UBASH3B: variants seen among roughly 807,000 people sequenced by gnomAD.
The protein encoded by UBASH3B is ubiquitin-associated and SH3 domain-containing protein B.
In UBASH3B, 37 loss-of-function variants were observed where a neutral mutation model predicts 83.4. The observed-to-expected ratio is 0.44, with a 90% CI of 0.34 to 0.58. The LOEUF (loss-of-function observed/expected upper bound fraction) is 0.58, where lower values mean the gene tolerates loss of function less well. UBASH3B is among the 20% of genes least tolerant of loss of function. The probability of loss-of-function intolerance (pLI) is 0.01; values close to 1 mark genes in which losing one functional copy is unlikely to be tolerated. For synonymous variants in UBASH3B, 304 were observed against 318.3 expected (o/e 0.96, Z 0.48); for missense variants, 657 against 827.2 (o/e 0.79, Z 2.52).
At chr11:122,690,214 T>TTTTATATATATATATATCCAATTATATA (rs555075985) in intron 1 of UBASH3B, among the ~76,000 whole-genome samples, 8 of 52,656 alleles carry the variant, frequency 1.5e-4, no homozygotes, top group Non-Finnish European at 2.3e-4. Flanking sequence ...ATATATCCAA[T>TTTTATATATATATATATCCAATTATATA]TATATATATA....
chr11:122,738,047 A>ATC (rs1399334348), intron 1 of UBASH3B, among the ~76,000 whole-genome samples: 2 of 152,226 alleles, frequency 1.3e-5, no homozygotes, highest in Non-Finnish European at 2.9e-5. Context: ...AAGGGGCATA[A>ATC]TCAGGAAAGT....
Position 122,798,425 on chromosome 11 carries a change from A to T in UBASH3B, c.1358-517A>T, listed in dbSNP as rs186311969. Among the ~76,000 whole-genome samples the T allele has an allele frequency of 3.7e-3, 557 of 152,272 alleles. 4 individuals carry two copies. The highest frequency in any genetic ancestry group is 0.013 in the African/African-American group (529 of 41,552). ...CCAGAGGGAAGGGAAAGAAAAGACAAGAAGGGGCCAGGTGTGGTGGCTCAC... is the reference window on the plus strand; with the variant it reads ...CCAGAGGGAAGGGAAAGAAAAGACATGAAGGGGCCAGGTGTGGTGGCTCAC... On this transcript the variant is annotated intron_variant, in intron 9 of 13. Transcript: ENST00000284273.
chr11:122,707,161 C>A (rs979888350), intron 1 of UBASH3B, among the ~76,000 whole-genome samples: 2 of 152,128 alleles, frequency 1.3e-5, no homozygotes, highest in Non-Finnish European at 1.5e-5. Flanking sequence ...CCCCGCCTAC[C>A]CCATAGACCC....
At chr11:122,736,654 T>C (rs892497545) in intron 1 of UBASH3B, among the ~76,000 whole-genome samples, 12 of 151,974 alleles carry the variant, frequency 7.9e-5, no homozygotes, top group African/African-American at 2.9e-4. Flanking sequence ...CACGCACACA[T>C]GATGAGAAGG....
At chr11:122,756,049 G>A (rs557930900) in intron 1 of UBASH3B, among the ~76,000 whole-genome samples, 52 of 151,038 alleles carry the variant, frequency 3.4e-4, no homozygotes, top group African/African-American at 1.1e-3. Flanking sequence ...AGGACGGAAG[G>A]AATCCATCCC....
rs1861457536 is a variant in UBASH3B at position 122,812,010 on chromosome 11, A to G, written c.*2124A>G. The G allele has an allele frequency of 6.6e-6, 1 of 152,190 alleles. No individual in the cohort carries two copies. Among genetic ancestry groups the G allele is most frequent in the South Asian group, 2.1e-4 (1 of 4,828 alleles). The allele number at this position is 152,190 out of a possible 1,614,324, so 9.4% of individuals were successfully genotyped here. On this transcript the variant is annotated 3_prime_UTR_variant, in exon 14 of 14. Transcript: ENST00000284273. ...GCAGTGTGTTCTGGGCAGTATCTGT[A>G]ATGTATGAAATAGAGTCTGGAATAG...
At chr11:122,782,830 A>C in intron 4 of UBASH3B, 2 of 521,846 alleles carry the variant, frequency 3.8e-6, no homozygotes, top group East Asian at 3.3e-5. Flanking sequence ...TCCTAGAGGA[A>C]AGCCGTATGG....
At chr11:122,777,614 T>C (rs918634659) in intron 3 of UBASH3B, among the ~76,000 whole-genome samples, 8 of 116,548 alleles carry the variant, frequency 6.9e-5, no homozygotes, top group African/African-American at 2.1e-4. Context: ...CCATTTCCTG[T>C]CCACAAGTTT....
At chr11:122,797,535 G>A (rs900903403) in intron 9 of UBASH3B, among the ~76,000 whole-genome samples, 2 of 152,190 alleles carry the variant, frequency 1.3e-5, no homozygotes, top group Admixed American at 6.5e-5. Context: ...CAAGGTATTG[G>A]ACTAGGGGAA....
intron 1 of UBASH3B, among the ~76,000 whole-genome samples, chr11:122,774,509 C>T (rs1318607412): frequency 6.6e-6 from 1 of 152,204 alleles, no homozygotes; most frequent in Non-Finnish European, 1.5e-5. Context: ...AAGTTGGGTT[C>T]ACAGATGACC....
intron 7 of UBASH3B, 85 bp downstream of exon 7, chr11:122,794,919 G>C (rs1591817250): frequency 1.3e-6 from 2 of 1,562,404 alleles, no homozygotes; most frequent in East Asian, 4.5e-5. Context: ...CCTTGCCCTT[G>C]CTGTCTCCAA....
At chr11:122,731,820 T>G (rs775902612) in intron 1 of UBASH3B, among the ~76,000 whole-genome samples, 4 of 152,176 alleles carry the variant, frequency 2.6e-5, no homozygotes, top group African/African-American at 4.8e-5. Context: ...TACTAGTTTG[T>G]TTAAATGTTT....
chr11:122,712,905 T>TTTG (rs1864216154), intron 1 of UBASH3B, among the ~76,000 whole-genome samples: 1 of 92,998 alleles, frequency 1.1e-5, no homozygotes, highest in Non-Finnish European at 2.4e-5. Flanking sequence ...GGTTTTTTTT[T>TTTG]TTTTTTTTTT....
intron 8 of UBASH3B, 68 bp downstream of exon 8, chr11:122,796,344 TAC>T: frequency 1.3e-6 from 2 of 1,580,272 alleles, no homozygotes; most frequent in Non-Finnish European, 1.7e-6. Flanking sequence ...ACAGTCAAGC[TAC>T]AGTTATCTAG....
intron 1 of UBASH3B, among the ~76,000 whole-genome samples, chr11:122,744,907 GCGCGCACT>G (rs1861091353): frequency 1.8e-5 from 1 of 56,166 alleles, no homozygotes; most frequent in Non-Finnish European, 4.4e-5. Flanking sequence ...GTGCGCGCGC[GCGCGCACT>G]TGGGCACGTG....
intron 1 of UBASH3B, among the ~76,000 whole-genome samples, chr11:122,710,750 A>G (rs1392247353): frequency 2.0e-5 from 3 of 152,002 alleles, no homozygotes. Context: ...TAGAATTGGT[A>G]GGCAATGGGA....
At chr11:122,754,138 C>T (rs529821215) in intron 1 of UBASH3B, among the ~76,000 whole-genome samples, 1 of 152,316 alleles carries the variant, frequency 6.6e-6, no homozygotes, top group African/African-American at 2.4e-5. Flanking sequence ...AATGGTTTTA[C>T]AGTCAATAGT....
chr11:122,777,246 C>T (rs755300742), intron 3 of UBASH3B, 36 bp downstream of exon 3: 26 of 1,575,922 alleles, frequency 1.6e-5, no homozygotes, highest in East Asian at 1.2e-4. Flanking sequence ...GGAAGCCTGG[C>T]TCCTAGGATC....
At chr11:122,690,820 G>T (rs1265555662) in intron 1 of UBASH3B, among the ~76,000 whole-genome samples, 1 of 152,200 alleles carries the variant, frequency 6.6e-6, no homozygotes, top group Non-Finnish European at 1.5e-5. Flanking sequence ...ATTCTCCTTA[G>T]GGTACAGCAC....
Sources: gnomAD v4.1 joint callset for allele counts (sites outside exome capture counted in the v4.1 genomes callset) on GRCh38, gnomAD v4.1.1 for gene constraint, MANE v1.5 for transcripts, NCBI Gene and HGNC (gene_info 2026-07-23, HGNC 2026-07-21) for gene names.